Variants in PRDM16 observed in about 807,000 individuals in gnomAD.
The protein encoded by PRDM16 is PR/SET domain 16.
In PRDM16, 23 loss-of-function variants were observed where a neutral mutation model predicts 110.6. The observed-to-expected ratio is 0.21, with a 90% CI of 0.15 to 0.29. The LOEUF is 0.29. PRDM16 is among the 10% of genes least tolerant of loss of function. PRDM16 has a pLI of 1.00. For synonymous variants in PRDM16, 799 were observed against 781.8 expected (o/e 1.02, Z -0.37); for missense variants, 1,615 against 1,794.3 (o/e 0.90, Z 1.81).
At chr1:3,224,983 A>C (rs1455865906) in intron 2 of PRDM16, among the ~76,000 whole-genome samples, 1 of 152,230 alleles carries the variant, frequency 6.6e-6, no homozygotes, top group Admixed American at 6.5e-5. Flanking sequence ...GAGCAAGAAA[A>C]GGCCAAGGGC....
chr1:3,178,163 A>G (rs1389378352), intron 1 of PRDM16, among the ~76,000 whole-genome samples: 2 of 152,196 alleles, frequency 1.3e-5, no homozygotes, highest in Non-Finnish European at 2.9e-5. Context: ...GCACGTGGCA[A>G]TAAGACGGCA....
intron 2 of PRDM16, among the ~76,000 whole-genome samples, chr1:3,241,164 C>T (rs1280126783): frequency 6.6e-6 from 1 of 152,358 alleles, no homozygotes; most frequent in Non-Finnish European, 1.5e-5. Flanking sequence ...ACTGCCCAGG[C>T]GGGCGGTGAG....
intron 4 of PRDM16, among the ~76,000 whole-genome samples, chr1:3,389,289 G>A (rs1054460971): frequency 6.6e-6 from 1 of 152,194 alleles, no homozygotes. Context: ...AGGCAGGACC[G>A]GCTAAGCTGA....
intron 1 of PRDM16, among the ~76,000 whole-genome samples, chr1:3,119,974 C>G (rs1481136019): frequency 6.6e-6 from 1 of 152,190 alleles, no homozygotes; most frequent in Non-Finnish European, 1.5e-5. Flanking sequence ...GAGGAAGCAG[C>G]ACCCAGGCTG....
intron 8 of PRDM16, 70 bp from the exon 9 acceptor site, chr1:3,411,314 A>G: frequency 1.3e-6 from 2 of 1,512,748 alleles, no homozygotes; most frequent in Non-Finnish European, 1.8e-6. Flanking sequence ...CAGTAATTTC[A>G]TGTGGCGTTT....
At chr1:3,261,906 T>C (rs935065241) in intron 3 of PRDM16, among the ~76,000 whole-genome samples, 7 of 152,126 alleles carry the variant, frequency 4.6e-5, no homozygotes, top group Non-Finnish European at 8.8e-5. Context: ...CATGAGGCAA[T>C]AGGAAGAGAA....
At chr1:3,321,713 T>C (rs897560492) in intron 3 of PRDM16, among the ~76,000 whole-genome samples, 1 of 149,804 alleles carries the variant, frequency 6.7e-6, no homozygotes, top group Non-Finnish European at 1.5e-5. Flanking sequence ...TGTGTGGGTG[T>C]ACATGTGTAT....
intron 1 of PRDM16, among the ~76,000 whole-genome samples, chr1:3,114,364 GCA>G (rs1174956449): frequency 1.1e-4 from 13 of 121,464 alleles, no homozygotes; most frequent in African/African-American, 4.6e-4. Context: ...ATGCACACAC[GCA>G]CACACGCAGG....
At chr1:3,235,750 G>A (rs1053370563) in intron 2 of PRDM16, among the ~76,000 whole-genome samples, 5 of 152,172 alleles carry the variant, frequency 3.3e-5, no homozygotes, top group African/African-American at 1.2e-4. Context: ...GGGGTGTGGG[G>A]GGTCCCTGCC....
intron 3 of PRDM16, among the ~76,000 whole-genome samples, chr1:3,261,641 C>G (rs1640166795): frequency 6.6e-6 from 1 of 152,160 alleles, no homozygotes; most frequent in African/African-American, 2.4e-5. Context: ...CACGCACACA[C>G]CAGACCCACC....
At chr1:3,351,754 C>G (rs113972034) in intron 3 of PRDM16, among the ~76,000 whole-genome samples, 21 of 127,024 alleles carry the variant, frequency 1.7e-4, no homozygotes, top group South Asian at 1.3e-3. Flanking sequence ...CTCTCCCCCC[C>G]CTCTGTTTCT....
intron 1 of PRDM16, among the ~76,000 whole-genome samples, chr1:3,109,347 C>T (rs1642734830): frequency 6.6e-6 from 1 of 152,076 alleles, no homozygotes; most frequent in African/African-American, 2.4e-5. Context: ...GATTACTTTA[C>T]CATTCACCAA....
At chr1:3,232,069 T>G (rs1639429842) in intron 2 of PRDM16, among the ~76,000 whole-genome samples, 1 of 152,314 alleles carries the variant, frequency 6.6e-6, no homozygotes, top group African/African-American at 2.4e-5. Context: ...TGGTCTCGAG[T>G]TCGCAGGCAG....
chr1:3,393,015 T>A (rs1222419382), intron 4 of PRDM16, among the ~76,000 whole-genome samples: 1 of 152,240 alleles, frequency 6.6e-6, no homozygotes, highest in African/African-American at 2.4e-5. Flanking sequence ...GAACCTGAAG[T>A]GTTGGAACAA....
intron 3 of PRDM16, among the ~76,000 whole-genome samples, chr1:3,337,479 C>A (rs1642184613): frequency 6.6e-6 from 1 of 152,164 alleles, no homozygotes; most frequent in African/African-American, 2.4e-5. Context: ...AAGCTGGGAT[C>A]TTGTGGGTTA....
rs1238215902 is a variant in PRDM16, at chr1:3,186,043, C to T, written c.38-82C>T. ...TGAGCACCCTCGGTGCCCATTGATGCCCGAGTCCCCGGCGCTCCCTGAGCT... is the reference window on the plus strand; with the variant it reads ...TGAGCACCCTCGGTGCCCATTGATGTCCGAGTCCCCGGCGCTCCCTGAGCT... On this transcript the variant is annotated intron_variant, in intron 1 of 16. Transcript: ENST00000270722. The T allele has an allele frequency of 4.1e-6, 5 of 1,225,822 alleles. No homozygotes were observed. In the East Asian group the frequency reaches 9.4e-5, roughly 23 times the overall value. The allele number at this position is 1,225,822 out of a possible 1,614,324, so 75.9% of individuals were successfully genotyped here.
At position 3,418,023 on chromosome 1, in the gene PRDM16, G is replaced by A. The variant is rs548884261; in HGVS notation, c.2861+26G>A. 3.6e-5 allele frequency: 57 copies of A among 1,598,620 alleles called. No individual in the cohort carries two copies. In the Admixed American group the frequency reaches 7.2e-4, roughly 20 times the overall value. On this transcript the variant is annotated intron_variant, in intron 11 of 16. Coordinates refer to ENST00000270722, the MANE Select transcript of PRDM16 (RefSeq NM_022114.4). ...GTGAGGGGCCCTTTGGTGCTGCTGG[G>A]ACAGCCCTGGCGGGGCTCGAGTGCC...
At chr1:3,132,475 G>A (rs1643354568) in intron 1 of PRDM16, among the ~76,000 whole-genome samples, 1 of 152,190 alleles carries the variant, frequency 6.6e-6, no homozygotes, top group Admixed American at 6.5e-5. Context: ...CAGATGGGCT[G>A]CAGGGAGTGG....
rs189719496 is a variant in PRDM16 at position 3,140,038 on chromosome 1, C to T, written c.38-46087C>T. On this transcript the variant is annotated intron_variant, in intron 1 of 16. Coordinates refer to ENST00000270722, the MANE Select transcript of PRDM16 (RefSeq NM_022114.4). ...CGCATCTCCCTCGGAGAATGGACCG[C>T]GGGCTCTGGATTTTGACAAAGTCAC... Among the ~76,000 whole-genome samples the T allele has an allele frequency of 4.0e-3, 616 of 152,342 alleles. 19 individuals carry two copies. The highest frequency in any genetic ancestry group is 0.034 in the Admixed American group (521 of 15,308).
Sources: allele counts gnomAD v4.1 joint callset (sites outside exome capture counted in the v4.1 genomes callset), GRCh38; gene constraint gnomAD v4.1.1; transcripts MANE v1.5; gene names NCBI Gene and HGNC (gene_info 2026-07-23, HGNC 2026-07-21).